TNC: variants seen among roughly 807,000 people sequenced by gnomAD.
TNC encodes tenascin.
Under a neutral mutation model 202.4 loss-of-function variants are expected in TNC, and 109 were observed. The observed-to-expected ratio is 0.54, with a 90% confidence interval of 0.46 to 0.63. The LOEUF (loss-of-function observed/expected upper bound fraction) is 0.63, where lower values mean the gene tolerates loss of function less well. Ranked by LOEUF, TNC falls within the 30% of genes least tolerant of loss-of-function variation. TNC has a pLI of 0.00. For synonymous variants in TNC, 1,007 were observed against 1,089.7 expected, an observed-to-expected ratio of 0.92 and a Z score of 1.50; for missense variants, 2,756 against 2,833.3, an observed-to-expected ratio of 0.97 and a Z score of 0.62.
At chr9:115,087,995 G>C (rs552641966) in intron 2 of TNC, among the ~76,000 whole-genome samples, 2 of 152,166 alleles carry the variant, frequency 1.3e-5, no homozygotes, top group Non-Finnish European at 1.5e-5. Context: ...GAGCCACCAC[G>C]ACTGGCCACT....
rs976972236 is a variant in TNC at position 115,019,979 on chromosome 9, A to T, written c.*1178T>A. 2 of 152,176 alleles carry T rather than the reference A, an allele frequency of 1.3e-5. No individual in the cohort carries two copies. Among genetic ancestry groups the T allele is most frequent in the African/African-American group, 4.8e-5 (2 of 41,456 alleles). 9.4% of individuals were successfully genotyped at this position (152,176 alleles called of 1,614,324 possible). On this transcript the variant is annotated 3_prime_UTR_variant, in exon 28 of 28. Transcript: ENST00000350763. ...AGTATAAAAGCATCTTTTAAACCAT[A>T]ATCTATTAGTCTTGGAAATACTGAG...
rs537240804 is a variant in TNC at position 115,114,828 on chromosome 9, G to A, written c.-137+3154C>T. 2.2e-4 allele frequency among the ~76,000 whole-genome samples: 34 copies of A among 152,250 alleles called. 1 individual carries two copies. The South Asian group carries it at 5.8e-3, about 26-fold the overall frequency. ...GAGTCACCTAACTTCCTTGAGTGTC[G>A]ATTTCTTTAAAATTGAGCTAGTAAT... On this transcript the variant is annotated intron_variant, in intron 1 of 27. Transcript: ENST00000350763.
At position 115,090,209 on chromosome 9, in the gene TNC, T is replaced by A. The variant is rs554794411; in HGVS notation, c.457+353A>T. 4.3e-3 allele frequency among the ~76,000 whole-genome samples: 658 copies of A among 152,268 alleles called. 8 individuals carry two copies. The highest frequency in any genetic ancestry group is 0.015 in the African/African-American group (603 of 41,566). On this transcript the variant is annotated intron_variant, in intron 2 of 27. Transcript: ENST00000350763. Reference sequence around the variant, plus strand: ...GCAGTACCTATCAGAGAGTGCTCTCTGGGGTAGAAATTTCATGGCGTACTC... The same window carrying A: ...GCAGTACCTATCAGAGAGTGCTCTCAGGGGTAGAAATTTCATGGCGTACTC...
At chr9:115,052,796 G>A (rs1230497421) in intron 15 of TNC, 1 of 702,666 alleles carries the variant, frequency 1.4e-6, no homozygotes, top group Non-Finnish European at 2.6e-6. Flanking sequence ...GGTGGTTCCT[G>A]CCACACTGAC....
chr9:115,031,324 G>A, intron 23 of TNC, among the ~76,000 whole-genome samples: 1 of 152,200 alleles, frequency 6.6e-6, no homozygotes, highest in East Asian at 1.9e-4. Flanking sequence ...GGCACACCTA[G>A]CAGGTGATAG....
intron 15 of TNC, among the ~76,000 whole-genome samples, chr9:115,056,845 G>C (rs1440386182): frequency 1.3e-5 from 2 of 152,340 alleles, no homozygotes; most frequent in East Asian, 3.9e-4. Context: ...AACAGGTCTA[G>C]TTATATAGCT....
Position 115,103,677 on chromosome 9 carries a change from C to A in TNC, c.-136-12523G>T, listed in dbSNP as rs1219847406. Among the ~76,000 whole-genome samples, 3 of 152,302 alleles carry A rather than the reference C, an allele frequency of 2.0e-5. No homozygotes were observed. In the East Asian group the frequency reaches 5.8e-4, roughly 29 times the overall value. ...GGTTCCAGTGATCTGTGGTCCATTG[C>A]TAATTTCACAATATTTTTGTTGAAC... On this transcript the variant is annotated intron_variant, in intron 1 of 27. Transcript: ENST00000350763.
At chr9:115,074,067 G>A (rs188860339) in intron 9 of TNC, among the ~76,000 whole-genome samples, 6 of 152,216 alleles carry the variant, frequency 3.9e-5, no homozygotes, top group East Asian at 1.9e-4. Context: ...TGACCCCATC[G>A]GAGTCTGAGA....
Position 115,095,759 on chromosome 9 carries a change from A to C in TNC, c.-136-4605T>G, listed in dbSNP as rs1206952111. On this transcript the variant is annotated intron_variant, in intron 1 of 27. Transcript: ENST00000350763. The stretch of plus-strand genomic sequence containing the variant: ...AGTTGCTCCAATTATATTACATATA[A>C]TATTATAATATGTGATGTAACATAA... 2.7e-5 allele frequency among the ~76,000 whole-genome samples: 4 copies of C among 147,254 alleles called. No individual in the cohort carries two copies. In the East Asian group the frequency reaches 7.8e-4, roughly 29 times the overall value.
intron 19 of TNC, 114 bp downstream of exon 19, chr9:115,040,827 T>C (rs1304994671): frequency 2.9e-5 from 40 of 1,358,298 alleles, no homozygotes; most frequent in Non-Finnish European, 3.9e-5. Context: ...CCCCCTTTTT[T>C]TCCAGCTGCT....
At chr9:115,099,514 T>G (rs1357955311) in intron 1 of TNC, among the ~76,000 whole-genome samples, 1 of 152,214 alleles carries the variant, frequency 6.6e-6, no homozygotes, top group Non-Finnish European at 1.5e-5. Context: ...AGGTCAGAAA[T>G]AGTTGGGTAG....
At chr9:115,067,932 C>A (rs1176531712) in intron 10 of TNC, among the ~76,000 whole-genome samples, 2 of 151,672 alleles carry the variant, frequency 1.3e-5, no homozygotes, top group African/African-American at 2.4e-5. Context: ...TACGTGTGCC[C>A]CATCCAGATC....
At chr9:115,115,226 G>A (rs528208020) in intron 1 of TNC, 12 of 152,316 alleles carry the variant, frequency 7.9e-5, no homozygotes, top group African/African-American at 2.9e-4. Flanking sequence ...TTCCATTCTG[G>A]TTATATGATC....
At chr9:115,100,059 C>T (rs899279053) in intron 1 of TNC, among the ~76,000 whole-genome samples, 2 of 152,186 alleles carry the variant, frequency 1.3e-5, no homozygotes, top group African/African-American at 4.8e-5. Flanking sequence ...GCCAAGGTTC[C>T]TCAGGGGCAG....
intron 2 of TNC, among the ~76,000 whole-genome samples, chr9:115,087,920 G>T (rs552949291): frequency 2.4e-4 from 37 of 152,126 alleles, no homozygotes; most frequent in South Asian, 1.9e-3. Flanking sequence ...AGCCAGGATG[G>T]TCTCAATATC....
intron 20 of TNC, among the ~76,000 whole-genome samples, chr9:115,037,596 C>T (rs968312043): frequency 1.6e-4 from 24 of 152,070 alleles, no homozygotes; most frequent in African/African-American, 5.1e-4. Context: ...GGTGCGATCT[C>T]GGCTCACTGC....
chr9:115,091,890 A>G (rs973292989), intron 1 of TNC, among the ~76,000 whole-genome samples: 2 of 152,246 alleles, frequency 1.3e-5, no homozygotes, highest in African/African-American at 4.8e-5. Flanking sequence ...AGAGCCTGAC[A>G]GAATATTCTT....
chr9:115,041,314 G>GGA (rs1564425644), intron 18 of TNC, among the ~76,000 whole-genome samples: 5 of 131,592 alleles, frequency 3.8e-5, no homozygotes, highest in African/African-American at 1.3e-4. Flanking sequence ...AGGGGCGGGG[G>GGA]AAAACATGAA....
At chr9:115,047,129 G>A (rs1831258522) in intron 16 of TNC, among the ~76,000 whole-genome samples, 1 of 151,768 alleles carries the variant, frequency 6.6e-6, no homozygotes, top group Admixed American at 6.6e-5. Flanking sequence ...TGCTCATGAT[G>A]ATACTGCTGA....
Sources: gnomAD v4.1 joint callset for allele counts (sites outside exome capture counted in the v4.1 genomes callset) on GRCh38, gnomAD v4.1.1 for gene constraint, MANE v1.5 for transcripts, NCBI Gene and HGNC (gene_info 2026-07-23, HGNC 2026-07-21) for gene names.